PLXDC2: variants seen among roughly 807,000 people sequenced by gnomAD.
The protein encoded by PLXDC2 is plexin domain containing 2.
A neutral mutation model predicts 68.9 loss-of-function variants in PLXDC2; 40 were observed. The observed-to-expected ratio is 0.58, with a 90% CI of 0.45 to 0.76. The LOEUF (loss-of-function observed/expected upper bound fraction) is 0.76. Ranked by LOEUF, PLXDC2 falls within the 30% of genes least tolerant of loss-of-function variation. The pLI is 0.00. For synonymous variants in PLXDC2, 243 were observed against 234.2 expected, an observed-to-expected ratio of 1.04 and a Z score of -0.34; for missense variants, 644 against 661.9, an observed-to-expected ratio of 0.97 and a Z score of 0.30.
intron 7 of PLXDC2, among the ~76,000 whole-genome samples, chr10:20,171,169 CT>C (rs924980054): frequency 3.3e-5 from 5 of 151,648 alleles, no homozygotes; most frequent in African/African-American, 4.9e-5. Context: ...AAAACTTGAA[CT>C]TTTTTTTATT....
intron 7 of PLXDC2, among the ~76,000 whole-genome samples, chr10:20,169,025 C>A (rs1834411690): frequency 6.6e-6 from 1 of 152,092 alleles, no homozygotes; most frequent in Non-Finnish European, 1.5e-5. Context: ...AAATATCTGT[C>A]TAAAATGTGG....
At chr10:20,105,162 T>A (rs2131743055) in intron 4 of PLXDC2, among the ~76,000 whole-genome samples, 1 of 152,196 alleles carries the variant, frequency 6.6e-6, no homozygotes, top group Non-Finnish European at 1.5e-5. Context: ...TGCTTATGTT[T>A]CCTTGAGACT....
chr10:19,866,939 A>G (rs1837427827), intron 1 of PLXDC2, among the ~76,000 whole-genome samples: 1 of 152,162 alleles, frequency 6.6e-6, no homozygotes, highest in Admixed American at 6.5e-5. Context: ...CTTTGTCTAA[A>G]AAGTTGGGGT....
chr10:19,892,452 C>T (rs1482797176), intron 1 of PLXDC2, among the ~76,000 whole-genome samples: 1 of 152,152 alleles, frequency 6.6e-6, no homozygotes, highest in Non-Finnish European at 1.5e-5. Context: ...GCTTGTGGAT[C>T]ACATGCCAAA....
chr10:20,044,628 T>TA (rs144669345), intron 2 of PLXDC2, among the ~76,000 whole-genome samples: 2,691 of 152,116 alleles, frequency 0.018, 78 homozygotes, highest in African/African-American at 0.061. Context: ...TTTCTTTAGC[T>TA]ATGTGTTTGC....
At chr10:19,928,847 T>C (rs752641560) in intron 1 of PLXDC2, among the ~76,000 whole-genome samples, 2 of 149,348 alleles carry the variant, frequency 1.3e-5, no homozygotes, top group African/African-American at 4.9e-5. Flanking sequence ...CTCGGCCTCC[T>C]GGGTTCAAGT....
chr10:20,043,857 A>G (rs1835729095), intron 2 of PLXDC2, among the ~76,000 whole-genome samples: 1 of 151,998 alleles, frequency 6.6e-6, no homozygotes, highest in Non-Finnish European at 1.5e-5. Context: ...TGAATGATAT[A>G]AAGTGGTGGC....
intron 1 of PLXDC2, among the ~76,000 whole-genome samples, chr10:19,994,357 G>T (rs1834807700): frequency 1.3e-5 from 1 of 79,944 alleles, no homozygotes; most frequent in African/African-American, 4.4e-5. Flanking sequence ...GCTTCTTGCT[G>T]TCACCCAGGC....
chr10:20,042,208 T>C (rs1835695213), intron 2 of PLXDC2, among the ~76,000 whole-genome samples: 1 of 152,222 alleles, frequency 6.6e-6, no homozygotes, highest in South Asian at 2.1e-4. Flanking sequence ...CAGTTCACTC[T>C]TTCTCTCCTG....
intron 1 of PLXDC2, among the ~76,000 whole-genome samples, chr10:19,836,893 T>C (rs1424704383): frequency 6.6e-6 from 1 of 152,190 alleles, no homozygotes; most frequent in Non-Finnish European, 1.5e-5. Context: ...TTTGTGGTGA[T>C]TAAAATAGTC....
At chr10:20,062,015 A>G (rs561318880) in intron 3 of PLXDC2, among the ~76,000 whole-genome samples, 1 of 152,358 alleles carries the variant, frequency 6.6e-6, no homozygotes, top group South Asian at 2.1e-4. Context: ...GCATATTGTT[A>G]TACTTCATTG....
chr10:19,830,464 C>T (rs1278701008), intron 1 of PLXDC2, among the ~76,000 whole-genome samples: 1 of 152,162 alleles, frequency 6.6e-6, no homozygotes, highest in African/African-American at 2.4e-5. Context: ...GAAACATTCT[C>T]CAGAGTTCTT....
chr10:19,849,964 C>T (rs576395878), intron 1 of PLXDC2, among the ~76,000 whole-genome samples: 2 of 152,226 alleles, frequency 1.3e-5, no homozygotes, highest in Admixed American at 6.5e-5. Context: ...GGTCCAAGTA[C>T]GGCCATCTCT....
intron 12 of PLXDC2, among the ~76,000 whole-genome samples, chr10:20,240,949 T>C (rs1277162921): frequency 6.6e-6 from 1 of 152,202 alleles, no homozygotes; most frequent in Non-Finnish European, 1.5e-5. Context: ...CATAGATCTC[T>C]AAATATTTAT....
chr10:19,851,035 A>G (rs1299234505), intron 1 of PLXDC2, among the ~76,000 whole-genome samples: 2 of 152,196 alleles, frequency 1.3e-5, no homozygotes, highest in African/African-American at 4.8e-5. Context: ...TTCAAAATAA[A>G]GGATTTTATG....
At chr10:19,839,933 A>G (rs1589494573) in intron 1 of PLXDC2, among the ~76,000 whole-genome samples, 4 of 152,304 alleles carry the variant, frequency 2.6e-5, no homozygotes, top group Admixed American at 2.6e-4. Flanking sequence ...CTAAAATTTC[A>G]TCGTTTGAAT....
At chr10:20,012,335 G>GTTTTTT (rs1835133375) in intron 2 of PLXDC2, among the ~76,000 whole-genome samples, 1 of 27,856 alleles carries the variant, frequency 3.6e-5, no homozygotes, top group Non-Finnish European at 6.7e-5. Context: ...TTTTTTTTTT[G>GTTTTTT]GAGAAGGAGA....
chr10:19,910,533 C>T (rs1478157235), intron 1 of PLXDC2, among the ~76,000 whole-genome samples: 1 of 150,050 alleles, frequency 6.7e-6, no homozygotes, highest in Non-Finnish European at 1.5e-5. Flanking sequence ...GCTCTGATAA[C>T]TACCCTTTCC....
At chr10:20,198,645 G>T (rs754802281) in intron 9 of PLXDC2, among the ~76,000 whole-genome samples, 1 of 152,008 alleles carries the variant, frequency 6.6e-6, no homozygotes, top group Non-Finnish European at 1.5e-5. Context: ...GAAATCATTA[G>T]CTTTTCAACT....
Sources: gnomAD v4.1 joint callset for allele counts (sites outside exome capture counted in the v4.1 genomes callset) on GRCh38, gnomAD v4.1.1 for gene constraint, MANE v1.5 for transcripts, NCBI Gene and HGNC (gene_info 2026-07-23, HGNC 2026-07-21) for gene names.